ZNF324B: variants seen among roughly 807,000 people sequenced by gnomAD.
ZNF324B encodes zinc finger protein 324B.
A neutral mutation model predicts 10.6 loss-of-function variants in ZNF324B; 7 were observed. The ratio of observed to expected loss-of-function variants is 0.66; its 90% confidence interval spans 0.38 to 1.24. ZNF324B has a LOEUF of 1.24. Among genes scored for constraint, ZNF324B ranks in the 50% most tolerant of loss-of-function variants. The pLI, the probability that ZNF324B is intolerant of heterozygous loss-of-function variation, is 0.02. For missense variants in ZNF324B, 640 were observed against 764.7 expected (o/e 0.84, Z 1.92); for synonymous variants, 316 against 321.0 (o/e 0.98, Z 0.17).
At chr19:58,445,364 G>A in the ZNF324B span, 2 of 514,426 alleles carry the variant, frequency 3.9e-6, no homozygotes, top group South Asian at 2.8e-5. Context: ...TGTGCACAAA[G>A]TGATTCACAC....
At chr19:58,444,938 A>AT in the ZNF324B span, 1 of 162,544 alleles carries the variant, frequency 6.2e-6, no homozygotes, top group African/African-American at 2.4e-5. Context: ...GAAAGTCCCC[A>AT]TAAGCGCAAG....
intron 1 of ZNF324B, 107 bp downstream of exon 1, chr19:58,451,811 G>A (rs991480676): frequency 3.3e-6 from 1 of 299,878 alleles, no homozygotes; most frequent in Non-Finnish European, 6.5e-6. Context: ...GCGTTCTCCC[G>A]CCCCGCGGAA....
At chr19:58,421,180 C>T in the ZNF324B span, among the ~76,000 whole-genome samples, 121 of 152,164 alleles carry the variant, frequency 8.0e-4, no homozygotes, top group Middle Eastern at 3.4e-3. Flanking sequence ...GTGCTTTCAG[C>T]GCCTTTTCCT....
the ZNF324B span, chr19:58,433,391 A>G: frequency 6.2e-7 from 1 of 1,614,142 alleles, no homozygotes; most frequent in Non-Finnish European, 8.5e-7. Flanking sequence ...CACTGGCTAC[A>G]CTCATAAGTC....
chr19:58,433,801 C>A, the ZNF324B span: 1 of 1,614,238 alleles, frequency 6.2e-7, no homozygotes. Context: ...GGCTTTCCCA[C>A]ACTCACTACA....
In ZNF324B at chr19:58,455,846, C is replaced by T. The variant is rs1157149647; in HGVS notation, c.902C>T (p.Thr301Met). The stretch of plus-strand genomic sequence containing the variant: ...GCCTTCAGCCAGACGTCGCACTTGA[C>T]GCAGCACCAGCGCATCCACAGCGGC... ...GKAFSQTSHL[T>M]QHQRIHSGET... Residue 301 changes from threonine (T) to methionine (M), a missense_variant, in exon 4 of 4, where the codon ACG becomes ATG. Around this residue, in one of 3 missense-constraint regions of ZNF324B, gnomAD observed 57 missense variants for 118.8 expected, o/e 0.48. Coordinates refer to ENST00000336614, the MANE Select transcript of ZNF324B (RefSeq NM_207395.3). The surrounding 1 kb of genome is among the most constrained non-coding windows in gnomAD (Gnocchi z 7.0). The T allele has an allele frequency of 1.2e-6, 2 of 1,613,712 alleles. No homozygotes were observed. Among genetic ancestry groups the T allele is most frequent in the Non-Finnish European group, 1.7e-6 (2 of 1,179,864 alleles).
At chr19:58,433,267 T>C in the ZNF324B span, 6 of 1,541,744 alleles carry the variant, frequency 3.9e-6, no homozygotes, top group Admixed American at 3.7e-5. Context: ...TTCTGCTGCA[T>C]GAAGTTTGAC....
chr19:58,455,995 A>G lies in ZNF324B; in HGVS notation c.1051A>G (p.Ser351Gly). 6.3e-7 allele frequency: 1 copy of G among 1,594,980 alleles called. No individual in the cohort carries two copies. The highest frequency in any genetic ancestry group is 8.6e-7 in the Non-Finnish European group (1 of 1,168,688). ...CTGCTCCGAGTGCGGCAAGGCCTTC[A>G]GCCACGGCTCCAACCTCAGCCAGCA... ...FRCSECGKAF[S>G]HGSNLSQHRK... is the part of the protein sequence containing the mutation. The change falls in exon 4 of 4, where the codon AGC becomes GGC. Residue 351 changes from serine (S) to glycine (G), a missense_variant. Around this residue, in one of 3 missense-constraint regions of ZNF324B, gnomAD observed 57 missense variants for 118.8 expected, o/e 0.48. Coordinates refer to ENST00000336614, the MANE Select transcript of ZNF324B (RefSeq NM_207395.3). This position sits in a 1 kb window ranked among gnomAD's most constrained non-coding sequence, Gnocchi z 7.0.
the ZNF324B span, chr19:58,445,482 T>TAAATGTAGG: frequency 1.9e-6 from 1 of 518,964 alleles, no homozygotes; most frequent in East Asian, 5.4e-5. Flanking sequence ...TTGATTATAG[T>TAAATGTAGG]AAATGTAGGA....
the ZNF324B span, chr19:58,433,841 T>G: frequency 1.5e-5 from 25 of 1,614,110 alleles, no homozygotes; most frequent in Non-Finnish European, 1.9e-5. Flanking sequence ...GTGTGAATTC[T>G]CCAGTGCTGA....
upstream of ZNF324B, chr19:58,451,568 C>T (rs549785619): frequency 1.1e-4 from 55 of 515,168 alleles, no homozygotes; most frequent in South Asian, 7.0e-4. Context: ...CAAGCGTCTG[C>T]GCGCGTATTG....
Position 58,455,983 on chromosome 19 carries a change from G to A in ZNF324B, c.1039G>A (p.Gly347Ser), listed in dbSNP as rs778833875. 5 of 1,592,574 alleles carry A rather than the reference G, an allele frequency of 3.1e-6. No homozygotes were observed. Among genetic ancestry groups the A allele is most frequent in the South Asian group, 1.1e-5 (1 of 90,028 alleles). Residue 347 changes from glycine to serine, a missense_variant, in exon 4 of 4, where the codon GGC (glycine) becomes AGC (serine). Gly to Ser is a moderately conservative substitution (Grantham distance 56). This residue lies in a region of ZNF324B where 57 missense variants were observed against 118.8 expected (regional missense o/e 0.48). Transcript: ENST00000336614. The surrounding 1 kb of genome is among the most constrained non-coding windows in gnomAD (Gnocchi z 7.0). ...AEKSFRCSEC[G>S]KAFSHGSNLS... is the part of the protein sequence containing the mutation. ...GAAGTCCTTCCGCTGCTCCGAGTGC[G>A]GCAAGGCCTTCAGCCACGGCTCCAA...
At chr19:58,428,664 A>G in the ZNF324B span, 1 of 152,212 alleles carries the variant, frequency 6.6e-6, no homozygotes, top group South Asian at 2.1e-4. Flanking sequence ...ATTTATTTGA[A>G]TTTCAGTTAT....
the ZNF324B span, among the ~76,000 whole-genome samples, chr19:58,427,365 T>TCTTTCTTTCTTTCTCTTTC: frequency 2.0e-5 from 1 of 48,796 alleles, no homozygotes; most frequent in African/African-American, 7.2e-5. Context: ...TTTCTTTCTT[T>TCTTTCTTTCTTTCTCTTTC]CTTTCTTTCT....
At chr19:58,434,854 C>A in the ZNF324B span, 1 of 1,614,070 alleles carries the variant, frequency 6.2e-7, no homozygotes, top group Admixed American at 1.7e-5. Context: ...GACCTTCCCA[C>A]CTTCCCTGCA....
intron 1 of ZNF324B, among the ~76,000 whole-genome samples, chr19:58,451,975 C>T (rs1274828291): frequency 6.6e-6 from 1 of 152,210 alleles, no homozygotes; most frequent in Non-Finnish European, 1.5e-5. Flanking sequence ...GCGGCGGTGG[C>T]GCTGACAAGC....
At chr19:58,449,552 C>T (rs569446763), upstream of ZNF324B, among the ~76,000 whole-genome samples, 14 of 152,346 alleles carry the variant, frequency 9.2e-5, 1 homozygote, top group South Asian at 2.7e-3. Flanking sequence ...TGCAAAGCCA[C>T]AGAGCTGCAG....
chr19:58,447,232 C>G (rs993331367), upstream of ZNF324B, among the ~76,000 whole-genome samples: 3 of 152,192 alleles, frequency 2.0e-5, no homozygotes, highest in Non-Finnish European at 2.9e-5. Context: ...CCTGCCTCGG[C>G]CTCCCAAAGT....
chr19:58,427,403 T>TTTCTTTCC, the ZNF324B span, among the ~76,000 whole-genome samples: 3 of 46,522 alleles, frequency 6.4e-5, no homozygotes, highest in Non-Finnish European at 1.2e-4. Context: ...TCTTTCTTTC[T>TTTCTTTCC]TTCCTTCCTT....
Sources: gnomAD v4.1 joint callset for allele counts (sites outside exome capture counted in the v4.1 genomes callset) on GRCh38, gnomAD v4.1.1 for gene constraint, gnomAD v4.1.1 regional missense constraint, Gnocchi (gnomAD v3.1) non-coding constraint, MANE v1.5 for transcripts, NCBI Gene and HGNC (gene_info 2026-07-23, HGNC 2026-07-21) for gene names.